ALMS1: variants seen among roughly 807,000 people sequenced by gnomAD.
The protein encoded by ALMS1 is ALMS1 centrosome and basal body associated protein, also known as centrosome-associated protein ALMS1.
ALMS1 carries 271 observed loss-of-function variants against 352.2 expected under a neutral mutation model. That is an observed-to-expected ratio of 0.77 (90% confidence interval 0.70 to 0.85). The LOEUF is 0.85. ALMS1 is among the 40% of genes least tolerant of loss of function. The pLI, the probability that ALMS1 is intolerant of heterozygous loss-of-function variation, is 0.00. For synonymous variants in ALMS1, 1,865 were observed against 1,761.2 expected (o/e 1.06, Z -1.48); for missense variants, 5,445 against 4,870.7 (o/e 1.12, Z -3.51).
intron 11 of ALMS1, among the ~76,000 whole-genome samples, chr2:73,523,661 G>C (rs1673730126): frequency 6.6e-6 from 1 of 152,128 alleles, no homozygotes; most frequent in South Asian, 2.1e-4. Context: ...CAGCTACTCG[G>C]GAGGCTGAGG....
rs1319824417 is a variant in ALMS1, at chr2:73,450,081, C to T, written c.3554C>T (p.Pro1185Leu). The change falls in exon 8 of 23, where the codon CCA becomes CTA. Residue 1185 changes from proline (P) to leucine (L), a missense_variant. By Grantham distance (98) the Pro-to-Leu change is moderately conservative. Transcript: ENST00000613296. ...TGPGNQKTWI[P>L]RVLSTFYSQR... ...CCAGGTAACCAGAAGACTTGGATACCAAGAGTACTTTCTACCTTCTACTCA... is the reference window on the plus strand; with the variant it reads ...CCAGGTAACCAGAAGACTTGGATACTAAGAGTACTTTCTACCTTCTACTCA... 7 of 1,613,932 alleles carry T rather than the reference C, an allele frequency of 4.3e-6. No homozygotes were observed. Among genetic ancestry groups the T allele is most frequent in the Non-Finnish European group, 5.9e-6 (7 of 1,179,942 alleles).
chr2:73,528,661 G>T (rs1553413506), intron 11 of ALMS1, among the ~76,000 whole-genome samples: 1 of 148,972 alleles, frequency 6.7e-6, no homozygotes, highest in Non-Finnish European at 1.5e-5. Context: ...GTTGGGTCTT[G>T]TTTTTTTTTG....
intron 7 of ALMS1, among the ~76,000 whole-genome samples, chr2:73,439,823 T>C (rs1286613418): frequency 6.6e-6 from 1 of 151,788 alleles, no homozygotes; most frequent in Non-Finnish European, 1.5e-5. Context: ...ACAGGTGTAG[T>C]TTGTTTATTT....
intron 7 of ALMS1, among the ~76,000 whole-genome samples, chr2:73,434,291 A>C (rs1056287781): frequency 1.3e-5 from 2 of 152,018 alleles, no homozygotes; most frequent in African/African-American, 2.4e-5. Flanking sequence ...GCATGTCCTA[A>C]GTTTTGGTTT....
At position 73,453,320 on chromosome 2, in the gene ALMS1, CTT is replaced by C. The variant is rs753753437; in HGVS notation, c.6796_6797del (p.Leu2266AspfsTer24). The C allele has an allele frequency of 1.2e-6, 2 of 1,613,898 alleles. No individual in the cohort carries two copies. Among genetic ancestry groups the C allele is most frequent in the Non-Finnish European group, 1.7e-6 (2 of 1,179,982 alleles). ...SAKTLKEIRT[L>X]LMEAENMALK... ...TAAAACTCTTAAGGAAATTCGGACA[CTT>C]TTGATGGAGGCAGAAAATATGGCAC... On this transcript the variant is annotated frameshift_variant, in exon 8 of 23. Transcript: ENST00000613296. LOFTEE classifies it high-confidence loss of function.
chr2:73,524,645 G>T (rs7567443), intron 11 of ALMS1, among the ~76,000 whole-genome samples: 3,372 of 152,076 alleles, frequency 0.022, 125 homozygotes, highest in Admixed American at 0.089. Flanking sequence ...TAGAGAAAGG[G>T]TTTCACCATG....
Position 73,448,580 on chromosome 2 carries a change from G to T in ALMS1, c.2053G>T (p.Asp685Tyr). Residue 685 changes from aspartate (D) to tyrosine (Y), a missense_variant, in exon 8 of 23, where the codon GAT becomes TAT. Physicochemically the swap from Asp to Tyr is radical, Grantham distance 160. Transcript: ENST00000613296. ...LLFFYRQTLP[D>Y]GHLTDQALKV... ...CTTTTTCTATCGACAGACCTTGCCA[G>T]ATGGTCATCTAACTGATCAGGCTCT... is the stretch of plus-strand genomic sequence containing the variant. The T allele has an allele frequency of 6.2e-7, 1 of 1,613,936 alleles. No homozygotes were observed. Among genetic ancestry groups the T allele is most frequent in the Non-Finnish European group, 8.5e-7 (1 of 1,179,958 alleles).
At chr2:73,520,624 G>C (rs955434470) in intron 11 of ALMS1, among the ~76,000 whole-genome samples, 7 of 152,320 alleles carry the variant, frequency 4.6e-5, no homozygotes, top group African/African-American at 1.7e-4. Context: ...GATGTTTACA[G>C]GTCAGGTCTG....
intron 6 of ALMS1, among the ~76,000 whole-genome samples, chr2:73,430,933 A>G (rs908594923): frequency 2.6e-5 from 4 of 152,004 alleles, no homozygotes; most frequent in Admixed American, 2.6e-4. Flanking sequence ...ATATATGTGT[A>G]TATATATAGC....
At chr2:73,590,355 A>G (rs1464502928) in intron 16 of ALMS1, among the ~76,000 whole-genome samples, 3 of 152,194 alleles carry the variant, frequency 2.0e-5, no homozygotes, top group Non-Finnish European at 4.4e-5. Context: ...ATTTGTTCCA[A>G]ATACCCATGG....
At chr2:73,609,490 T>C in intron 22 of ALMS1, 78 bp from the exon 23 acceptor site, 1 of 1,321,804 alleles carries the variant, frequency 7.6e-7, no homozygotes, top group Non-Finnish European at 1.1e-6. Flanking sequence ...CTTGGTGACA[T>C]GGATGCAGGG....
chr2:73,446,113 C>T (rs899041645), intron 7 of ALMS1, among the ~76,000 whole-genome samples: 1 of 152,110 alleles, frequency 6.6e-6, no homozygotes, highest in African/African-American at 2.4e-5. Flanking sequence ...TGCATCTCCT[C>T]CCTCGCTTTT....
At chr2:73,487,003 G>A (rs1001313706) in intron 9 of ALMS1, among the ~76,000 whole-genome samples, 4 of 152,148 alleles carry the variant, frequency 2.6e-5, no homozygotes, top group African/African-American at 7.2e-5. Context: ...TTCAGTGATA[G>A]TGCCACAGCA....
chr2:73,460,879 C>T lies in ALMS1; in HGVS notation c.7674+5584C>T, dbSNP rs1256100179. The stretch of plus-strand genomic sequence containing the variant: ...CTGAGATCAAACTGCAAGGCAGCAG[C>T]GAGGCTGGGGGAGGGGCGCCTGCCA... On this transcript the variant is annotated intron_variant, in intron 9 of 22. Transcript: ENST00000613296. Among the ~76,000 whole-genome samples, 10 of 152,322 alleles carry T rather than the reference C, an allele frequency of 6.6e-5. No homozygotes were observed. In the East Asian group the frequency reaches 1.4e-3, roughly 21 times the overall value.
At position 73,591,895 on chromosome 2, in the gene ALMS1, C is replaced by T. The variant is rs550674932; in HGVS notation, c.11548-7506C>T. ...CAAAATTGTATGATCATTTGTCAAC[C>T]TTCTGGTTTTCCTGTGAGTTAATTG... On this transcript the variant is annotated intron_variant, in intron 16 of 22. Transcript: ENST00000613296. Among the ~76,000 whole-genome samples, 13 of 152,296 alleles carry T rather than the reference C, an allele frequency of 8.5e-5. No homozygotes were observed. In the East Asian group the frequency reaches 2.3e-3, roughly 27 times the overall value.
At chr2:73,533,344 A>G (rs1255102780) in intron 11 of ALMS1, among the ~76,000 whole-genome samples, 1 of 152,148 alleles carries the variant, frequency 6.6e-6, no homozygotes, top group Non-Finnish European at 1.5e-5. Context: ...CTATTTTATC[A>G]CAGAAACCCT....
At chr2:73,423,126 G>A (rs574333100) in intron 4 of ALMS1, 152 bp downstream of exon 4, 4 of 702,662 alleles carry the variant, frequency 5.7e-6, no homozygotes, top group Non-Finnish European at 1.0e-5. Context: ...ACTAAGACTT[G>A]ATGCATATTA....
chr2:73,568,995 C>CTTTTTTTTTTTTTTTTTTTTTTT lies in ALMS1; in HGVS notation c.10385-3252_10385-3230dup, dbSNP rs747436819. Among the ~76,000 whole-genome samples the CTTTTTTTTTTTTTTTTTTTTTTT allele has an allele frequency of 5.6e-5, 3 of 53,556 alleles. 1 individual carries two copies. The highest frequency in any genetic ancestry group is 1.0e-4 in the Non-Finnish European group (3 of 29,534). 35.1% of individuals were successfully genotyped at this position (53,556 alleles called of 152,430 possible). A position where few individuals can be genotyped will look rare whatever the true frequency, so the allele number is the denominator to read the frequency against. On this transcript the variant is annotated intron_variant, in intron 15 of 22. Coordinates refer to ENST00000613296, the MANE Select transcript of ALMS1 (RefSeq NM_001378454.1). ...AGCTTGCTTGCTGCTGCTTCTGCTT[C>CTTTTTTTTTTTTTTTTTTTTTTT]TTTTTTTTTTTTTTTTTTTTTTTTT...
chr2:73,460,972 C>T (rs1177824934), intron 9 of ALMS1, among the ~76,000 whole-genome samples: 2 of 152,246 alleles, frequency 1.3e-5, no homozygotes, highest in African/African-American at 4.8e-5. Flanking sequence ...CACTACAGCT[C>T]AAGGAGGCCT....
Sources: gnomAD v4.1 joint callset for allele counts (sites outside exome capture counted in the v4.1 genomes callset) on GRCh38, gnomAD v4.1.1 for gene constraint, MANE v1.5 for transcripts, NCBI Gene and HGNC (gene_info 2026-07-23, HGNC 2026-07-21) for gene names.